Variants in ELMO1 observed in about 807,000 individuals in gnomAD.
ELMO1 encodes the protein engulfment and cell motility protein 1.
ELMO1 carries 26 observed loss-of-function variants against 98.9 expected under a neutral mutation model. The observed-to-expected ratio is 0.26, with a 90% confidence interval of 0.19 to 0.36. The LOEUF (loss-of-function observed/expected upper bound fraction) is 0.36. Among genes scored for constraint, ELMO1 ranks in the 10% least tolerant of loss-of-function variants. The pLI is 1.00. For missense variants in ELMO1, 627 were observed against 935.2 expected (o/e 0.67, Z 4.30); for synonymous variants, 346 against 346.0 (o/e 1.00, Z 0.00).
At chr7:37,254,197 T>A (rs1222806785) in intron 6 of ELMO1, among the ~76,000 whole-genome samples, 1 of 152,160 alleles carries the variant, frequency 6.6e-6, no homozygotes, top group East Asian at 1.9e-4. Flanking sequence ...AGCGTAACTT[T>A]GAATTTACAT....
intron 4 of ELMO1, among the ~76,000 whole-genome samples, chr7:37,310,067 G>A (rs1001891282): frequency 4.6e-5 from 7 of 152,220 alleles, no homozygotes; most frequent in African/African-American, 9.6e-5. Flanking sequence ...AGGGCACTTA[G>A]GAAGTGGGAA....
intron 1 of ELMO1, among the ~76,000 whole-genome samples, chr7:37,418,287 T>C (rs552054306): frequency 1.1e-4 from 17 of 152,318 alleles, no homozygotes; most frequent in African/African-American, 3.4e-4. Flanking sequence ...TTTAACAGTG[T>C]GTTTTTTAAA....
intron 16 of ELMO1, among the ~76,000 whole-genome samples, chr7:36,931,003 A>G (rs17418639): frequency 0.23 from 34,535 of 152,154 alleles, 4,290 homozygotes; most frequent in South Asian, 0.41. Flanking sequence ...CTTTCCTATT[A>G]CACTTCATTC....
In ELMO1 at chr7:37,275,586, C is replaced by G. The variant is rs546999017; in HGVS notation, c.193-3704G>C. On this transcript the variant is annotated intron_variant, in intron 4 of 21. Coordinates refer to ENST00000310758, the MANE Select transcript of ELMO1 (RefSeq NM_014800.11). The stretch of plus-strand genomic sequence containing the variant: ...AGAGGTGAATAAGAACAAGAGGAAA[C>G]GGACGCAGGCACTGCATCTAGACTC... 3.9e-5 allele frequency among the ~76,000 whole-genome samples: 6 copies of G among 152,294 alleles called. No individual in the cohort carries two copies. The South Asian group carries it at 1.2e-3, about 32-fold the overall frequency.
chr7:36,983,972 T>A (rs1791294010), intron 16 of ELMO1, among the ~76,000 whole-genome samples: 1 of 152,186 alleles, frequency 6.6e-6, no homozygotes. Context: ...TAGATTTTTT[T>A]TTTTTTTTTG....
At chr7:37,169,282 C>A (rs1395442324) in intron 13 of ELMO1, among the ~76,000 whole-genome samples, 1 of 152,242 alleles carries the variant, frequency 6.6e-6, no homozygotes, top group Admixed American at 6.5e-5. Flanking sequence ...TCCCTGACCC[C>A]TTGCACTTCC....
chr7:37,171,930 G>C (rs931950819), intron 13 of ELMO1, among the ~76,000 whole-genome samples: 1 of 151,894 alleles, frequency 6.6e-6, no homozygotes, highest in African/African-American at 2.4e-5. Flanking sequence ...CACCAAGTTG[G>C]GTCTTTTGTT....
At chr7:37,160,619 T>C (rs1164373269) in intron 13 of ELMO1, among the ~76,000 whole-genome samples, 1 of 151,554 alleles carries the variant, frequency 6.6e-6, no homozygotes, top group African/African-American at 2.4e-5. Context: ...ATGTTGGAGG[T>C]TGGAAGGAAT....
chr7:37,283,170 G>A (rs1797227245), intron 4 of ELMO1, among the ~76,000 whole-genome samples: 1 of 152,162 alleles, frequency 6.6e-6, no homozygotes, highest in Non-Finnish European at 1.5e-5. Flanking sequence ...AAGGACAGAA[G>A]GAGCCTGTCT....
chr7:37,282,053 A>T (rs1797167958), intron 4 of ELMO1, among the ~76,000 whole-genome samples: 1 of 152,154 alleles, frequency 6.6e-6, no homozygotes, highest in Non-Finnish European at 1.5e-5. Flanking sequence ...AAGATGGCAC[A>T]GAAAAATGTC....
intron 13 of ELMO1, among the ~76,000 whole-genome samples, chr7:37,142,234 A>C (rs183169265): frequency 1.7e-4 from 26 of 152,342 alleles, no homozygotes; most frequent in Middle Eastern, 3.4e-3. Flanking sequence ...AATATTTTGT[A>C]ATGTTTTTAG....
chr7:37,084,479 G>A (rs1358378392), intron 15 of ELMO1, among the ~76,000 whole-genome samples: 1 of 152,180 alleles, frequency 6.6e-6, no homozygotes, highest in Non-Finnish European at 1.5e-5. Context: ...AGGAAGACAG[G>A]ATATTTACAA....
At chr7:37,300,903 T>C (rs1798306532) in intron 4 of ELMO1, among the ~76,000 whole-genome samples, 1 of 152,174 alleles carries the variant, frequency 6.6e-6, no homozygotes, top group Admixed American at 6.5e-5. Context: ...GGTCCTGGAC[T>C]CTTTTTGGTT....
At chr7:37,200,302 A>AAC (rs1028138114) in intron 13 of ELMO1, among the ~76,000 whole-genome samples, 1 of 143,668 alleles carries the variant, frequency 7.0e-6, no homozygotes, top group African/African-American at 2.6e-5. Context: ...GCTAGTCTTG[A>AAC]ACTCCTGGCC....
chr7:36,984,402 C>G (rs1195202615), intron 16 of ELMO1, among the ~76,000 whole-genome samples: 1 of 152,214 alleles, frequency 6.6e-6, no homozygotes, highest in East Asian at 1.9e-4. Flanking sequence ...TTCTCCCTCT[C>G]CTGCAACGTC....
intron 13 of ELMO1, among the ~76,000 whole-genome samples, chr7:37,179,335 T>G (rs1357243124): frequency 6.8e-6 from 1 of 147,690 alleles, no homozygotes; most frequent in Non-Finnish European, 1.5e-5. Context: ...TGGAGTGCAC[T>G]GGCGCGATCT....
At chr7:37,412,669 C>G (rs1012056001) in intron 1 of ELMO1, among the ~76,000 whole-genome samples, 4 of 152,110 alleles carry the variant, frequency 2.6e-5, no homozygotes, top group Admixed American at 2.0e-4. Context: ...ACCCTCTTCC[C>G]CTAGACCCAC....
At chr7:37,411,520 G>C (rs1458226343) in intron 1 of ELMO1, among the ~76,000 whole-genome samples, 1 of 152,144 alleles carries the variant, frequency 6.6e-6, no homozygotes, top group Non-Finnish European at 1.5e-5. Context: ...AAGTTAGAGA[G>C]AGAGAATGTA....
At chr7:37,362,504 G>A (rs1237940328) in intron 1 of ELMO1, among the ~76,000 whole-genome samples, 1 of 152,128 alleles carries the variant, frequency 6.6e-6, no homozygotes, top group Non-Finnish European at 1.5e-5. Context: ...CTGAGTCCTT[G>A]TCTTTCTCCA....
Sources: allele counts gnomAD v4.1 joint callset (sites outside exome capture counted in the v4.1 genomes callset), GRCh38; gene constraint gnomAD v4.1.1; transcripts MANE v1.5; gene names NCBI Gene and HGNC (gene_info 2026-07-23, HGNC 2026-07-21).